The following HS6ST3 variants were observed in gnomAD, a reference collection of about 807,000 sequenced individuals.
The protein encoded by HS6ST3 is heparan sulfate 6-O-sulfotransferase 3.
A neutral mutation model predicts 36.7 loss-of-function variants in HS6ST3; 12 were observed. The observed-to-expected ratio is 0.33, with a 90% CI of 0.21 to 0.53. HS6ST3 has a LOEUF of 0.53. Among genes scored for constraint, HS6ST3 ranks in the 20% least tolerant of loss-of-function variants. The pLI, the probability that HS6ST3 is intolerant of heterozygous loss-of-function variation, is 0.95. For missense variants in HS6ST3, 584 were observed against 640.9 expected, an observed-to-expected ratio of 0.91 and a Z score of 0.96; for synonymous variants, 240 against 257.5, an observed-to-expected ratio of 0.93 and a Z score of 0.65.
At chr13:96,189,562 G>T (rs2054279595) in intron 1 of HS6ST3, among the ~76,000 whole-genome samples, 1 of 152,130 alleles carries the variant, frequency 6.6e-6, no homozygotes, top group African/African-American at 2.4e-5. Flanking sequence ...TACCATTCCA[G>T]AAGCATTTAG....
intron 1 of HS6ST3, among the ~76,000 whole-genome samples, chr13:96,793,625 A>T (rs1263315567): frequency 6.6e-6 from 1 of 152,010 alleles, no homozygotes; most frequent in Non-Finnish European, 1.5e-5. Flanking sequence ...TCAAAAGGAG[A>T]TTTACTGTAT....
intron 1 of HS6ST3, among the ~76,000 whole-genome samples, chr13:96,613,392 C>A (rs1307843244): frequency 2.6e-5 from 4 of 152,122 alleles, no homozygotes; most frequent in Non-Finnish European, 4.4e-5. Context: ...GCCTGGGACT[C>A]AAACTTAAGC....
At chr13:96,675,914 T>G (rs1442158537) in intron 1 of HS6ST3, among the ~76,000 whole-genome samples, 2 of 152,104 alleles carry the variant, frequency 1.3e-5, no homozygotes, top group Non-Finnish European at 2.9e-5. Flanking sequence ...AGCCAGTCTG[T>G]TTGGGTAGCT....
At chr13:96,750,511 A>G (rs529146726) in intron 1 of HS6ST3, among the ~76,000 whole-genome samples, 8 of 152,316 alleles carry the variant, frequency 5.3e-5, no homozygotes, top group African/African-American at 1.4e-4. Context: ...CATTAATCAA[A>G]CGGGAGGAAT....
intron 1 of HS6ST3, among the ~76,000 whole-genome samples, chr13:96,429,150 T>C (rs575125958): frequency 6.6e-6 from 1 of 152,340 alleles, no homozygotes; most frequent in Admixed American, 6.5e-5. Flanking sequence ...GTGCATGAGC[T>C]GTTAAACCAA....
At chr13:96,813,382 G>A (rs932591493) in intron 1 of HS6ST3, among the ~76,000 whole-genome samples, 20 of 152,182 alleles carry the variant, frequency 1.3e-4, no homozygotes, top group African/African-American at 4.6e-4. Flanking sequence ...CGCCATCTGC[G>A]TACCCCACCA....
chr13:96,652,311 A>G (rs546297433), intron 1 of HS6ST3, among the ~76,000 whole-genome samples: 42 of 152,104 alleles, frequency 2.8e-4, no homozygotes, highest in Admixed American at 9.2e-4. Flanking sequence ...ATGTATACAT[A>G]TATGTATTTG....
chr13:96,482,026 A>G (rs534353116), intron 1 of HS6ST3, among the ~76,000 whole-genome samples: 1 of 152,256 alleles, frequency 6.6e-6, no homozygotes, highest in African/African-American at 2.4e-5. Context: ...TCCAAAAATA[A>G]AAGAATAAAA....
At chr13:96,589,410 T>A (rs2056374738) in intron 1 of HS6ST3, among the ~76,000 whole-genome samples, 1 of 152,146 alleles carries the variant, frequency 6.6e-6, no homozygotes, top group South Asian at 2.1e-4. Context: ...TTCCAATTTA[T>A]TTGGGTTTTC....
intron 1 of HS6ST3, among the ~76,000 whole-genome samples, chr13:96,675,919 G>A (rs560397426): frequency 6.6e-6 from 1 of 152,168 alleles, no homozygotes; most frequent in Non-Finnish European, 1.5e-5. Flanking sequence ...GTCTGTTTGG[G>A]TAGCTCTGGA....
chr13:96,329,245 G>A (rs947583199), intron 1 of HS6ST3, among the ~76,000 whole-genome samples: 25 of 146,432 alleles, frequency 1.7e-4, no homozygotes, highest in Non-Finnish European at 2.8e-4. Flanking sequence ...GTTTGCTCTT[G>A]CTTTTCTAGT....
At chr13:96,588,012 A>G (rs940806780) in intron 1 of HS6ST3, among the ~76,000 whole-genome samples, 3 of 152,048 alleles carry the variant, frequency 2.0e-5, no homozygotes, top group African/African-American at 4.8e-5. Context: ...TTTTGATGCT[A>G]TTTTGAATGG....
intron 1 of HS6ST3, among the ~76,000 whole-genome samples, chr13:96,206,010 G>A (rs1416982331): frequency 6.6e-6 from 1 of 152,194 alleles, no homozygotes; most frequent in Non-Finnish European, 1.5e-5. Flanking sequence ...AATAGGAAGA[G>A]AGGAGTCAAA....
chr13:96,307,527 G>T (rs1044201118), intron 1 of HS6ST3, among the ~76,000 whole-genome samples: 1 of 151,904 alleles, frequency 6.6e-6, no homozygotes, highest in Non-Finnish European at 1.5e-5. Context: ...CATTAGATAG[G>T]CTTGAGATGA....
At chr13:96,462,533 A>T (rs1361351387) in intron 1 of HS6ST3, among the ~76,000 whole-genome samples, 1 of 152,236 alleles carries the variant, frequency 6.6e-6, no homozygotes, top group Non-Finnish European at 1.5e-5. Context: ...CTGGTGAAAT[A>T]TTGAAAGCAT....
chr13:96,257,429 T>C (rs1169660211), intron 1 of HS6ST3, among the ~76,000 whole-genome samples: 1 of 152,226 alleles, frequency 6.6e-6, no homozygotes, highest in Non-Finnish European at 1.5e-5. Context: ...ATCATATTTA[T>C]CTGAGAGGCA....
chr13:96,290,457 C>A (rs907859261), intron 1 of HS6ST3, among the ~76,000 whole-genome samples: 3 of 152,228 alleles, frequency 2.0e-5, no homozygotes, highest in African/African-American at 7.2e-5. Context: ...TGAGTGACCA[C>A]CTCGGTAGAT....
intron 1 of HS6ST3, among the ~76,000 whole-genome samples, chr13:96,742,462 C>G (rs182471624): frequency 5.1e-4 from 78 of 151,974 alleles, no homozygotes; most frequent in Middle Eastern, 3.4e-3. Context: ...CAGACACAGA[C>G]GATTGAAAGT....
At chr13:96,203,100 G>A (rs2054351247) in intron 1 of HS6ST3, among the ~76,000 whole-genome samples, 1 of 152,160 alleles carries the variant, frequency 6.6e-6, no homozygotes, top group Non-Finnish European at 1.5e-5. Flanking sequence ...CCATATAGAA[G>A]CATGTTGGGC....
Sources: allele counts gnomAD v4.1 joint callset (sites outside exome capture counted in the v4.1 genomes callset), GRCh38; gene constraint gnomAD v4.1.1; transcripts MANE v1.5; gene names NCBI Gene and HGNC (gene_info 2026-07-23, HGNC 2026-07-21).